Variants in GPM6A observed in about 807,000 individuals in gnomAD.
GPM6A encodes glycoprotein M6A, also known as neuronal membrane glycoprotein M6-a.
In GPM6A, 7 loss-of-function variants were observed where a neutral mutation model predicts 32.1. That is an observed-to-expected ratio of 0.22 (90% CI 0.12 to 0.41). The LOEUF (loss-of-function observed/expected upper bound fraction) is 0.41. Among genes scored for constraint, GPM6A ranks in the 10% least tolerant of loss-of-function variants. GPM6A has a pLI of 1.00. For missense variants in GPM6A, 235 were observed against 347.2 expected (o/e 0.68, Z 2.57); for synonymous variants, 130 against 123.4 (o/e 1.05, Z -0.35).
At chr4:175,843,882 T>C (rs112311641) in intron 1 of GPM6A, among the ~76,000 whole-genome samples, 1,545 of 152,284 alleles carry the variant, frequency 0.01, 26 homozygotes, top group African/African-American at 0.035. Context: ...GGATGCCTCA[T>C]CCTTGTGCTC....
chr4:175,644,756 A>G (rs1741356055), intron 4 of GPM6A, among the ~76,000 whole-genome samples: 1 of 152,146 alleles, frequency 6.6e-6, no homozygotes, highest in South Asian at 2.1e-4. Context: ...TTTTTAGCTG[A>G]AAGGTGCAGA....
intron 1 of GPM6A, among the ~76,000 whole-genome samples, chr4:175,757,090 G>C (rs999612132): frequency 1.3e-5 from 2 of 152,066 alleles, no homozygotes; most frequent in Non-Finnish European, 2.9e-5. Flanking sequence ...ATTGCATTAG[G>C]TGTTATCTGT....
At chr4:175,720,257 C>A (rs1017321967) in intron 1 of GPM6A, among the ~76,000 whole-genome samples, 38 of 152,148 alleles carry the variant, frequency 2.5e-4, no homozygotes, top group African/African-American at 8.9e-4. Context: ...CAGGACACAT[C>A]CTTAAGAGGG....
intron 1 of GPM6A, among the ~76,000 whole-genome samples, chr4:175,905,518 C>T (rs1310848579): frequency 6.6e-6 from 1 of 152,038 alleles, no homozygotes; most frequent in Non-Finnish European, 1.5e-5. Flanking sequence ...CTGGTGATTA[C>T]AAACCATTCT....
At chr4:175,976,319 G>A (rs1455145432) in intron 1 of GPM6A, among the ~76,000 whole-genome samples, 2 of 103,456 alleles carry the variant, frequency 1.9e-5, no homozygotes, top group African/African-American at 3.9e-5. Context: ...CTGCCACCAC[G>A]CCTGGCTAAT....
intron 1 of GPM6A, among the ~76,000 whole-genome samples, chr4:175,951,949 C>G (rs1038194948): frequency 6.6e-6 from 1 of 152,242 alleles, no homozygotes; most frequent in Non-Finnish European, 1.5e-5. Flanking sequence ...CCTACACCAT[C>G]GGCTCTCCTG....
At chr4:175,740,464 C>T (rs569556314) in intron 1 of GPM6A, among the ~76,000 whole-genome samples, 2 of 152,028 alleles carry the variant, frequency 1.3e-5, no homozygotes, top group South Asian at 4.2e-4. Context: ...TAAAGACCAG[C>T]AAATGTCATT....
At chr4:175,895,947 T>C (rs1175376523) in intron 1 of GPM6A, among the ~76,000 whole-genome samples, 3 of 152,226 alleles carry the variant, frequency 2.0e-5, no homozygotes, top group Non-Finnish European at 4.4e-5. Context: ...TTGGCTTTTA[T>C]TAATCCTGAA....
chr4:175,739,671 T>C (rs17061943), intron 1 of GPM6A, among the ~76,000 whole-genome samples: 7,948 of 152,166 alleles, frequency 0.052, 598 homozygotes, highest in East Asian at 0.39. Flanking sequence ...TATTCTATAA[T>C]AGCAAACCTC....
chr4:175,782,052 T>C (rs778839451), intron 1 of GPM6A, among the ~76,000 whole-genome samples: 1 of 152,178 alleles, frequency 6.6e-6, no homozygotes, highest in Non-Finnish European at 1.5e-5. Context: ...ATGGTGTCTA[T>C]CTCATTGGAT....
chr4:175,879,715 A>G (rs1046074626), intron 1 of GPM6A, among the ~76,000 whole-genome samples: 6 of 152,210 alleles, frequency 3.9e-5, no homozygotes, highest in African/African-American at 1.4e-4. Context: ...ACATCAAAAT[A>G]GTAGGCAAAA....
chr4:175,980,361 A>C (rs553185694), intron 1 of GPM6A, among the ~76,000 whole-genome samples: 1 of 152,338 alleles, frequency 6.6e-6, no homozygotes, highest in Non-Finnish European at 1.5e-5. Flanking sequence ...TGTCTCAAAA[A>C]AACAAAACAA....
upstream of GPM6A, among the ~76,000 whole-genome samples, chr4:175,813,654 C>T (rs1735013259): frequency 6.6e-6 from 1 of 152,144 alleles, no homozygotes; most frequent in Admixed American, 6.6e-5. Context: ...CTCACATCCT[C>T]ATTATCCATA....
intron 1 of GPM6A, chr4:175,962,088 G>A: frequency 5.4e-6 from 4 of 739,648 alleles, no homozygotes; most frequent in Admixed American, 3.6e-5. Flanking sequence ...TAAAGTCTTT[G>A]GCCCTACAAT....
At chr4:175,785,103 C>T (rs946297318) in intron 1 of GPM6A, among the ~76,000 whole-genome samples, 15 of 152,116 alleles carry the variant, frequency 9.9e-5, no homozygotes, top group African/African-American at 3.1e-4. Context: ...CTCCCATTTC[C>T]GAAGCTAGAT....
At chr4:175,678,675 T>A (rs1743512793) in intron 2 of GPM6A, among the ~76,000 whole-genome samples, 2 of 152,182 alleles carry the variant, frequency 1.3e-5, no homozygotes, top group African/African-American at 4.8e-5. Flanking sequence ...AGGCAGATGA[T>A]GTGAACTGTG....
At chr4:175,904,600 C>T (rs1738071902) in intron 1 of GPM6A, among the ~76,000 whole-genome samples, 1 of 152,062 alleles carries the variant, frequency 6.6e-6, no homozygotes, top group Non-Finnish European at 1.5e-5. Flanking sequence ...ACTGGTAACC[C>T]TGAAAGGATG....
Position 176,001,169 on chromosome 4 carries a change from A to G in GPM6A, c.-23+1140T>C, listed in dbSNP as rs140133063. Reference sequence around the variant, plus strand: ...TCCCCTAACCCTTGAGCCTGTGGGAATACAGGAATTTCAACCCGAGCACGT... The same window carrying G: ...TCCCCTAACCCTTGAGCCTGTGGGAGTACAGGAATTTCAACCCGAGCACGT... On this transcript the variant is annotated intron_variant, in intron 1 of 7. Coordinates refer to the GPM6A transcript ENST00000280187. Among the ~76,000 whole-genome samples the G allele has an allele frequency of 6.2e-3, 945 of 152,308 alleles. 7 individuals carry two copies. Among genetic ancestry groups the G allele is most frequent in the African/African-American group, 0.022 (904 of 41,576 alleles).
intron 1 of GPM6A, among the ~76,000 whole-genome samples, chr4:175,897,577 CCCCTGGATT>C (rs1737836149): frequency 6.6e-6 from 1 of 152,130 alleles, no homozygotes; most frequent in Non-Finnish European, 1.5e-5. Context: ...GTTTCTACTA[CCCCTGGATT>C]CCTTTAGTGA....
Sources: allele counts gnomAD v4.1 joint callset (sites outside exome capture counted in the v4.1 genomes callset), GRCh38; gene constraint gnomAD v4.1.1; transcripts MANE v1.5; gene names NCBI Gene and HGNC (gene_info 2026-07-23, HGNC 2026-07-21).